Variants in TEP1 observed in about 807,000 individuals in gnomAD.
The protein encoded by TEP1 is telomerase protein component 1.
TEP1 carries 241 observed loss-of-function variants against 306.3 expected under a neutral mutation model. The ratio of observed to expected loss-of-function variants is 0.79; its 90% confidence interval spans 0.71 to 0.88. The LOEUF is 0.88. TEP1 is among the 40% of genes least tolerant of loss of function. The pLI, the probability that TEP1 is intolerant of heterozygous loss-of-function variation, is 0.00. For missense variants in TEP1, 3,051 were observed against 3,276.1 expected (o/e 0.93, Z 1.68); for synonymous variants, 1,289 against 1,305.5 (o/e 0.99, Z 0.27).
intron 12 of TEP1, among the ~76,000 whole-genome samples, chr14:20,394,729 C>T (rs1296850571): frequency 1.3e-5 from 2 of 151,970 alleles, no homozygotes; most frequent in Admixed American, 6.6e-5. Context: ...CCACCTGCCT[C>T]GTGATCCACC....
intron 17 of TEP1, among the ~76,000 whole-genome samples, chr14:20,388,874 G>A (rs546420207): frequency 2.0e-5 from 3 of 152,220 alleles, no homozygotes; most frequent in African/African-American, 7.2e-5. Context: ...CTGGAGCCGG[G>A]TGCGGTGGCT....
In TEP1 at chr14:20,391,063, T is replaced by C. The variant is rs759914049; in HGVS notation, c.2131A>G (p.Met711Val). ...PLNYALLLIGMMITRAEQVDV... is the reference protein window; with the variant it reads ...PLNYALLLIGVMITRAEQVDV... ...ACCTGCTCCGCCCTCGTGATCATCA[T>C]CCCAATCAACAGCAGTGCATAGTTC... The change falls in exon 14 of 55, where the codon ATG becomes GTG. Residue 711 changes from methionine (M) to valine (V), a missense_variant. Coordinates refer to ENST00000262715, the MANE Select transcript of TEP1 (RefSeq NM_007110.5). 3.1e-6 allele frequency: 5 copies of C among 1,614,134 alleles called. No homozygotes were observed. In the South Asian group the frequency reaches 5.5e-5, roughly 18 times the overall value.
chr14:20,371,370 A>C (rs375738253), intron 50 of TEP1, 56 bp from the exon 51 acceptor site: 1 of 1,585,384 alleles, frequency 6.3e-7, no homozygotes, highest in South Asian at 1.1e-5. Context: ...GGTAAAGAGA[A>C]GAACACCTCT....
intron 9 of TEP1, among the ~76,000 whole-genome samples, chr14:20,399,712 T>C (rs1053800487): frequency 8.7e-5 from 13 of 148,992 alleles, no homozygotes; most frequent in African/African-American, 3.2e-4. Context: ...AGTATATGAT[T>C]AAAAAAAAGA....
In TEP1 at chr14:20,367,102, G is replaced by A. The variant is rs562006408; in HGVS notation, c.*1335C>T. 6.6e-6 allele frequency: 1 copy of A among 152,308 alleles called. No homozygotes were observed. The highest frequency in any genetic ancestry group is 6.5e-5 in the Admixed American group (1 of 15,292). 9.4% of individuals were successfully genotyped at this position (152,308 alleles called of 1,614,324 possible). On this transcript the variant is annotated 3_prime_UTR_variant, in exon 55 of 55. Transcript: ENST00000262715. ...TTATGGGCCGGGCACAATGGCTCAC[G>A]CCTGTAATCCCAGAACTTTAAGAGG...
chr14:20,378,121 GC>G lies in TEP1; in HGVS notation c.5623del (p.Ala1875HisfsTer26). ...MVELWAWREGARLAAFPAHHG... is the reference protein window; with the variant it reads ...MVELWAWREGXRLAAFPAHHG... ...GTGGGCAGGGAAGGCAGCCAGCCGT[GC>G]CCCTTCTCGCCAGGCCCACAGCTCC... On this transcript the variant is annotated frameshift_variant, in exon 39 of 55. Coordinates refer to ENST00000262715, the MANE Select transcript of TEP1 (RefSeq NM_007110.5). LOFTEE classifies it high-confidence loss of function. 1 of 1,613,830 alleles carries G rather than the reference GC, an allele frequency of 6.2e-7. No individual in the cohort carries two copies. The highest frequency in any genetic ancestry group is 8.5e-7 in the Non-Finnish European group (1 of 1,180,032).
chr14:20,408,030 G>C lies in TEP1; in HGVS notation c.410C>G (p.Thr137Arg). The C allele has an allele frequency of 6.2e-7, 1 of 1,614,116 alleles. No homozygotes were observed. The highest frequency in any genetic ancestry group is 8.5e-7 in the Non-Finnish European group (1 of 1,180,024). The change falls in exon 2 of 55, where the codon ACG (threonine) becomes AGG (arginine). Residue 137 changes from threonine (T) to arginine (R), a missense_variant. Thr to Arg is a moderately conservative substitution (Grantham distance 71). Transcript: ENST00000262715. ...GTTCACACGGTACAAATCAGCTTGCGTCATGTGAGATATCTGTAGACTCTG... is the reference window on the plus strand; with the variant it reads ...GTTCACACGGTACAAATCAGCTTGCCTCATGTGAGATATCTGTAGACTCTG... ...LFQSLQISHM[T>R]QADLYRVNNS...
chr14:20,383,672 G>A, intron 25 of TEP1, 28 bp from the exon 26 acceptor site: 2 of 1,603,770 alleles, frequency 1.2e-6, no homozygotes, highest in East Asian at 2.2e-5. Context: ...GTCAGGGTCA[G>A]TGGGAGAGAA....
In TEP1 at chr14:20,375,853, C is replaced by A; in HGVS notation, c.6265G>T (p.Asp2089Tyr). ...GGRDRSLLCW[D>Y]VRTPKTPVLI... is the part of the protein sequence containing the mutation. ...ACAGGGGTTTTGGGTGTCCTCACGT[C>A]CCAGCAGAGGAGACTCTGGATAGGC... The change falls in exon 43 of 55, where the codon GAC becomes TAC. Residue 2089 changes from aspartate (D) to tyrosine (Y), a missense_variant. By Grantham distance (160) the Asp-to-Tyr change is radical. Transcript: ENST00000262715. 1 of 1,612,706 alleles carries A rather than the reference C, an allele frequency of 6.2e-7. No individual in the cohort carries two copies. The highest frequency in any genetic ancestry group is 1.1e-5 in the South Asian group (1 of 91,016).
In TEP1 at chr14:20,373,370, G is replaced by T. The variant is rs201047669; in HGVS notation, c.6714C>A (p.Ser2238Arg). Reference sequence around the variant, plus strand: ...AAACAGCAGCAGCACGGACTGGGCCGCTGTGTCCCAGGAGGGTGTGGGTTT... The same window carrying T: ...AAACAGCAGCAGCACGGACTGGGCCTCTGTGTCCCAGGAGGGTGTGGGTTT... ...VCQTHTLLGH[S>R]GPVRAAAVSE... The change falls in exon 47 of 55, where the codon AGC (serine) becomes AGA (arginine). Residue 2238 changes from serine to arginine, a missense_variant. Physicochemically the swap from Ser to Arg is moderately radical, Grantham distance 110. Transcript: ENST00000262715. The T allele has an allele frequency of 2.5e-6, 4 of 1,614,156 alleles. No homozygotes were observed. The highest frequency in any genetic ancestry group is 2.2e-5 in the East Asian group (1 of 44,884).
Position 20,378,183 on chromosome 14 carries a change from C to G in TEP1, c.5562G>C (p.Gly1854=), listed in dbSNP as rs1432229752. 6 of 1,613,902 alleles carry G rather than the reference C, an allele frequency of 3.7e-6. No homozygotes were observed. The Admixed American group carries it at 8.3e-5, about 22-fold the overall frequency. ...CCAGCCGGCCCACAGCCACAACCCC[C>G]CCAGGCACATTGAAGGCCAAGGTAC... The part of the protein sequence containing the change: ...SIRTLAFNVP[G]GVVAVGRLDS... The change falls in exon 39 of 55, where the codon GGG becomes GGC. Residue 1854 remains glycine, a synonymous_variant. Transcript: ENST00000262715.
At position 20,384,989 on chromosome 14, in the gene TEP1, G is replaced by C. The variant is rs377521252; in HGVS notation, c.3103C>G (p.Leu1035Val). The change falls in exon 21 of 55, where the codon CTC becomes GTC. Residue 1035 changes from leucine to valine, a missense_variant. Physicochemically the swap from Leu to Val is conservative, Grantham distance 32. This residue lies in a region of TEP1 where 1,507 missense variants were observed against 1,550.5 expected (regional missense o/e 0.97). Transcript: ENST00000262715. ...ALIYFRDSSF[L>V]SSVPDAWKSD... Reference sequence around the variant, plus strand: ...CCTGCAGGCAACAGACAGTACCTGAGGAAGCTGGAATCCCGGAAGTAGATG... The same window carrying C: ...CCTGCAGGCAACAGACAGTACCTGACGAAGCTGGAATCCCGGAAGTAGATG... 1.4e-5 allele frequency: 23 copies of C among 1,614,108 alleles called. No individual in the cohort carries two copies. Among genetic ancestry groups the C allele is most frequent in the Non-Finnish European group, 1.8e-5 (21 of 1,180,062 alleles).
Position 20,407,958 on chromosome 14 carries a change from T to G in TEP1, c.482A>C (p.His161Pro), listed in dbSNP as rs754982820. 3.0e-5 allele frequency: 48 copies of G among 1,614,104 alleles called. No individual in the cohort carries two copies. The highest frequency in any genetic ancestry group is 4.1e-5 in the Non-Finnish European group (48 of 1,180,024). ...TGAAAGGTCTAGTCCCTTAGAGAAA[T>G]GCTGAGCCCTCCAACTTGGAGGCTC... ...LSEPPSWRAQHFSKGLDLSTC... is the reference protein window; with the variant it reads ...LSEPPSWRAQPFSKGLDLSTC... Residue 161 changes from histidine to proline, a missense_variant, in exon 2 of 55, where the codon CAT (histidine) becomes CCT (proline). This residue lies in a region of TEP1 where 1,507 missense variants were observed against 1,550.5 expected (regional missense o/e 0.97). Coordinates refer to ENST00000262715, the MANE Select transcript of TEP1 (RefSeq NM_007110.5).
chr14:20,388,121 T>C, intron 17 of TEP1, 58 bp from the exon 18 acceptor site: 1 of 1,593,966 alleles, frequency 6.3e-7, no homozygotes, highest in Non-Finnish European at 8.6e-7. Context: ...ATCAGTGAGG[T>C]CTTCCGAAAA....
At position 20,379,919 on chromosome 14, in the gene TEP1, G is replaced by T. The variant is rs1193295285; in HGVS notation, c.5127+11C>A. On this transcript the variant is annotated intron_variant, in intron 35 of 54. Coordinates refer to ENST00000262715, the MANE Select transcript of TEP1 (RefSeq NM_007110.5). ...CAGAGGGTAAATTCTGCCCCTCCTTGATTGTCATACCTGCCAAGTTCTCAG... is the reference window on the plus strand; with the variant it reads ...CAGAGGGTAAATTCTGCCCCTCCTTTATTGTCATACCTGCCAAGTTCTCAG... 1 of 1,605,824 alleles carries T rather than the reference G, an allele frequency of 6.2e-7. No homozygotes were observed. Among genetic ancestry groups the T allele is most frequent in the African/African-American group, 1.3e-5 (1 of 74,502 alleles).
Position 20,368,520 on chromosome 14 carries a change from C to T in TEP1, c.7801G>A (p.Glu2601Lys). The T allele has an allele frequency of 6.2e-7, 1 of 1,614,140 alleles. No individual in the cohort carries two copies. Among genetic ancestry groups the T allele is most frequent in the Non-Finnish European group, 8.5e-7 (1 of 1,180,032 alleles). ...FRCEGSVSCLEPWLGANSTLQ... is the reference protein window; with the variant it reads ...FRCEGSVSCLKPWLGANSTLQ... ...GTGGAGTTAGCGCCCAGCCAAGGTT[C>T]CAGGCAGCTCACTGACCCTTCGCAT... The change falls in exon 55 of 55, where the codon GAA becomes AAA. Residue 2601 changes from glutamate (E) to lysine (K), a missense_variant. Physicochemically the swap from Glu to Lys is moderately conservative, Grantham distance 56 (BLOSUM62 1). Transcript: ENST00000262715.
chr14:20,387,177 G>A (rs1334612708), intron 18 of TEP1, among the ~76,000 whole-genome samples: 3 of 150,388 alleles, frequency 2.0e-5, no homozygotes, highest in Admixed American at 6.6e-5. Context: ...CAGGTGATCT[G>A]CCCGCCTCGA....
chr14:20,379,793 C>T, intron 35 of TEP1, 137 bp downstream of exon 35: 3 of 1,205,932 alleles, frequency 2.5e-6, no homozygotes, highest in Non-Finnish European at 3.4e-6. Flanking sequence ...TTGGCCAAGC[C>T]CTTTGAGCTG....
chr14:20,398,477 T>C (rs1414289837), intron 9 of TEP1, among the ~76,000 whole-genome samples: 1 of 151,196 alleles, frequency 6.6e-6, no homozygotes, highest in Non-Finnish European at 1.5e-5. Context: ...GATAAATTGC[T>C]ATAAGTCAAA....
Sources: allele counts gnomAD v4.1 joint callset (sites outside exome capture counted in the v4.1 genomes callset), GRCh38; gene constraint gnomAD v4.1.1; regional missense constraint gnomAD v4.1.1; transcripts MANE v1.5; gene names NCBI Gene and HGNC (gene_info 2026-07-23, HGNC 2026-07-21).